The following MAP3K3 variants were observed in gnomAD, a reference collection of about 807,000 sequenced individuals.
MAP3K3 encodes mitogen-activated protein kinase kinase kinase 3, also known as MAP/ERK kinase kinase 3.
Under a neutral mutation model 80.9 loss-of-function variants are expected in MAP3K3, and 12 were observed. The observed-to-expected ratio is 0.15, with a 90% CI of 0.10 to 0.24. The LOEUF is 0.24. MAP3K3 is among the 10% of genes least tolerant of loss of function. The pLI is 1.00. For synonymous variants in MAP3K3, 272 were observed against 307.1 expected (o/e 0.89, Z 1.19); for missense variants, 596 against 834.7 (o/e 0.71, Z 3.52).
At chr17:63,633,551 TAC>T (rs1053418828) in intron 2 of MAP3K3, among the ~76,000 whole-genome samples, 3 of 152,254 alleles carry the variant, frequency 2.0e-5, no homozygotes, top group Non-Finnish European at 4.4e-5. Context: ...TATTACTGTT[TAC>T]AGTTATTTTA....
In MAP3K3 at chr17:63,693,252, C is replaced by T. The variant is rs139315311; in HGVS notation, c.1653-297C>T. On this transcript the variant is annotated intron_variant, in intron 15 of 15. Coordinates refer to ENST00000361733, the MANE Select transcript of MAP3K3 (RefSeq NM_002401.5). The surrounding 1 kb of genome is among the most constrained non-coding windows in gnomAD (Gnocchi z 4.2). ...ATACATTTGTGTTGTTTTCCTGCCTCTAAGTTTGTGGTCATTTGTTAAGAG... is the reference window on the plus strand; with the variant it reads ...ATACATTTGTGTTGTTTTCCTGCCTTTAAGTTTGTGGTCATTTGTTAAGAG... Among the ~76,000 whole-genome samples, 2 of 152,312 alleles carry T rather than the reference C, an allele frequency of 1.3e-5. No individual in the cohort carries two copies. Among genetic ancestry groups the T allele is most frequent in the African/African-American group, 4.8e-5 (2 of 41,562 alleles).
rs974419031 is a variant in MAP3K3, at chr17:63,687,714, G to A, written c.711-813G>A. Among the ~76,000 whole-genome samples the A allele has an allele frequency of 1.2e-4, 18 of 151,450 alleles. 1 individual carries two copies. The highest frequency in any genetic ancestry group is 1.9e-4 in the Non-Finnish European group (13 of 67,892). Reference sequence around the variant, plus strand: ...TAAAAAAAAAAAAGTCTGGGGCTGGGCGCGGTGGCTCATGCCTGTAGTCCC... The same window carrying A: ...TAAAAAAAAAAAAGTCTGGGGCTGGACGCGGTGGCTCATGCCTGTAGTCCC... On this transcript the variant is annotated intron_variant, in intron 8 of 15. Transcript: ENST00000361733.
At chr17:63,668,628 T>TA (rs2035043903) in intron 6 of MAP3K3, among the ~76,000 whole-genome samples, 1 of 152,154 alleles carries the variant, frequency 6.6e-6, no homozygotes. Flanking sequence ...GAGCCTATGA[T>TA]ATGTGCATGG....
chr17:63,637,059 C>T (rs190366731), intron 2 of MAP3K3: 79 of 512,622 alleles, frequency 1.5e-4, no homozygotes, highest in African/African-American at 1.5e-3. Flanking sequence ...GAGGAGATTA[C>T]CAAGTTTGAG....
Position 63,689,750 on chromosome 17 carries a change from C to G in MAP3K3, c.1063+15C>G. 1 of 1,601,032 alleles carries G rather than the reference C, an allele frequency of 6.2e-7. No homozygotes were observed. ...GCCAACCAAGTGTGAGGAGCTGTCC[C>G]TGGCTAGGAGGAGACTGCCCAGGTG... On this transcript the variant is annotated intron_variant, in intron 11 of 15. Coordinates refer to ENST00000361733, the MANE Select transcript of MAP3K3 (RefSeq NM_002401.5). This position sits in a 1 kb window ranked among gnomAD's most constrained non-coding sequence, Gnocchi z 4.3.
intron 5 of MAP3K3, among the ~76,000 whole-genome samples, chr17:63,665,711 A>T (rs931704632): frequency 6.6e-6 from 1 of 152,072 alleles, no homozygotes; most frequent in Admixed American, 6.5e-5. Flanking sequence ...GCAGAGAGCT[A>T]TTGCACATCG....
rs1201210853 is a variant in MAP3K3 at position 63,693,945 on chromosome 17, G to A, written c.*168G>A. The stretch of plus-strand genomic sequence containing the variant: ...CGCCACTGGGGCTCAGAGCCGGGGT[G>A]GGGTGGCTGCAGCCTCAGGACTGGG... On this transcript the variant is annotated 3_prime_UTR_variant, in exon 16 of 16. Transcript: ENST00000361733. The surrounding 1 kb of genome is among the most constrained non-coding windows in gnomAD (Gnocchi z 4.2). The A allele has an allele frequency of 6.9e-6, 4 of 579,390 alleles. No homozygotes were observed. The highest frequency in any genetic ancestry group is 1.2e-5 in the Non-Finnish European group (4 of 340,550). The allele number at this position is 579,390 out of a possible 1,614,324, so 35.9% of individuals were successfully genotyped here.
chr17:63,691,057 A>C lies in MAP3K3; in HGVS notation c.1213-45A>C. ...AGCTGAGCTGAACCCAGGCGGGCAG[A>C]ACTAGGGCCCTGAGAGCTGAGGCGA... On this transcript the variant is annotated intron_variant, in intron 12 of 15. Transcript: ENST00000361733. The surrounding 1 kb of genome is among the most constrained non-coding windows in gnomAD (Gnocchi z 4.8). 6.2e-7 allele frequency: 1 copy of C among 1,611,458 alleles called. No homozygotes were observed. Among genetic ancestry groups the C allele is most frequent in the Non-Finnish European group, 8.5e-7 (1 of 1,178,924 alleles).
intron 5 of MAP3K3, among the ~76,000 whole-genome samples, chr17:63,660,986 CTT>C (rs2034879701): frequency 6.6e-6 from 1 of 152,254 alleles, no homozygotes; most frequent in African/African-American, 2.4e-5. Flanking sequence ...TCCCACCTCA[CTT>C]TGGCCAAGGC....
Position 63,691,016 on chromosome 17 carries a change from G to A in MAP3K3, c.1213-86G>A. The A allele has an allele frequency of 6.5e-7, 1 of 1,536,596 alleles. No individual in the cohort carries two copies. Among genetic ancestry groups the A allele is most frequent in the Non-Finnish European group, 8.9e-7 (1 of 1,122,088 alleles). On this transcript the variant is annotated intron_variant, in intron 12 of 15. Coordinates refer to ENST00000361733, the MANE Select transcript of MAP3K3 (RefSeq NM_002401.5). This position sits in a 1 kb window ranked among gnomAD's most constrained non-coding sequence, Gnocchi z 4.8. ...AGTTCCCAAGGCAGATCCCTGTGAG[G>A]CCACTAACTAGGGCAAGCTGAGCTG...
intron 3 of MAP3K3, among the ~76,000 whole-genome samples, chr17:63,648,251 G>C (rs2034578733): frequency 6.6e-6 from 1 of 152,160 alleles, no homozygotes; most frequent in Non-Finnish European, 1.5e-5. Context: ...ATGGCTCATT[G>C]CTAGGCCAAA....
chr17:63,650,650 GTC>G (rs1177196239), intron 3 of MAP3K3, among the ~76,000 whole-genome samples: 3 of 141,352 alleles, frequency 2.1e-5, no homozygotes, highest in Non-Finnish European at 3.0e-5. Flanking sequence ...CTCTCTCTCT[GTC>G]TCTTATAGAG....
At chr17:63,683,545 A>G (rs1040815688) in intron 7 of MAP3K3, among the ~76,000 whole-genome samples, 11 of 102,736 alleles carry the variant, frequency 1.1e-4, no homozygotes, top group African/African-American at 2.9e-4. Flanking sequence ...TTTGACTCCC[A>G]GTGAGGACAG....
intron 2 of MAP3K3, among the ~76,000 whole-genome samples, chr17:63,641,392 G>A (rs111597307): frequency 0.022 from 3,323 of 151,948 alleles, 120 homozygotes; most frequent in African/African-American, 0.076. Context: ...ACAGGTGCCC[G>A]CCACCACACC....
intron 2 of MAP3K3, among the ~76,000 whole-genome samples, chr17:63,639,063 C>T (rs948562795): frequency 5.3e-5 from 8 of 151,930 alleles, no homozygotes; most frequent in African/African-American, 1.9e-4. Flanking sequence ...TTCCCTGTAC[C>T]CCAGGAATCA....
At chr17:63,670,788 A>G (rs1373748864) in intron 6 of MAP3K3, among the ~76,000 whole-genome samples, 1 of 151,888 alleles carries the variant, frequency 6.6e-6, no homozygotes, top group Non-Finnish European at 1.5e-5. Flanking sequence ...GAAGTGTGGT[A>G]TGTCAGAAAT....
intron 5 of MAP3K3, among the ~76,000 whole-genome samples, chr17:63,665,579 G>A (rs947135108): frequency 6.6e-6 from 1 of 152,210 alleles, no homozygotes; most frequent in Non-Finnish European, 1.5e-5. Context: ...CATTCAGGCA[G>A]GTGGCAGGGT....
intron 6 of MAP3K3, among the ~76,000 whole-genome samples, chr17:63,675,905 A>G (rs1046232428): frequency 2.0e-5 from 3 of 152,192 alleles, no homozygotes; most frequent in African/African-American, 7.2e-5. Flanking sequence ...GCTGGTAAAT[A>G]CGTAGTTTTA....
At chr17:63,686,033 A>C (rs867854032) in intron 8 of MAP3K3, among the ~76,000 whole-genome samples, 14 of 152,296 alleles carry the variant, frequency 9.2e-5, no homozygotes, top group African/African-American at 3.1e-4. Flanking sequence ...CAGAATGCCT[A>C]GTGTACCATG....
Sources: allele counts gnomAD v4.1 joint callset (sites outside exome capture counted in the v4.1 genomes callset), GRCh38; gene constraint gnomAD v4.1.1; non-coding constraint Gnocchi (gnomAD v3.1); transcripts MANE v1.5; gene names NCBI Gene and HGNC (gene_info 2026-07-23, HGNC 2026-07-21).